The following FANCC variants were observed in gnomAD, a reference collection of about 807,000 sequenced individuals.
The protein encoded by FANCC is FA complementation group C, also known as Fanconi anemia group C protein.
A neutral mutation model predicts 71.3 loss-of-function variants in FANCC; 55 were observed. That is an observed-to-expected ratio of 0.77 (90% CI 0.62 to 0.97). The LOEUF (loss-of-function observed/expected upper bound fraction) is 0.97, where lower values mean the gene tolerates loss of function less well. Among genes scored for constraint, FANCC ranks in the 50% least tolerant of loss-of-function variants. The pLI is 0.00. For synonymous variants in FANCC, 275 were observed against 244.9 expected (o/e 1.12, Z -1.15); for missense variants, 678 against 670.9 (o/e 1.01, Z -0.12).
At chr9:95,293,473 A>G in intron 1 of FANCC, 2 of 1,571,550 alleles carry the variant, frequency 1.3e-6, no homozygotes, top group South Asian at 1.2e-5. Context: ...GTTGCTGTTG[A>G]GCCAATAAGT....
chr9:95,163,344 A>G (rs1379233906), intron 6 of FANCC, among the ~76,000 whole-genome samples: 1 of 152,176 alleles, frequency 6.6e-6, no homozygotes, highest in Non-Finnish European at 1.5e-5. Context: ...TGGCTTTGTA[A>G]TATGCTTTGA....
At chr9:95,313,282 A>G (rs1835522107) in intron 1 of FANCC, among the ~76,000 whole-genome samples, 1 of 152,176 alleles carries the variant, frequency 6.6e-6, no homozygotes, top group African/African-American at 2.4e-5. Flanking sequence ...CGCACACACT[A>G]TGGGAGCTCC....
intron 6 of FANCC, among the ~76,000 whole-genome samples, chr9:95,158,387 C>T (rs1411978743): frequency 6.6e-6 from 1 of 151,960 alleles, no homozygotes; most frequent in Admixed American, 6.6e-5. Flanking sequence ...TGATAAAGCA[C>T]TATGGAAGGT....
At chr9:95,312,301 G>A (rs1297362753) in intron 1 of FANCC, among the ~76,000 whole-genome samples, 3 of 152,226 alleles carry the variant, frequency 2.0e-5, no homozygotes, top group Admixed American at 6.5e-5. Context: ...GGTCCAGTCA[G>A]TAAAAAGAAA....
chr9:95,198,384 T>A (rs1033204446), intron 4 of FANCC, among the ~76,000 whole-genome samples: 7 of 152,256 alleles, frequency 4.6e-5, no homozygotes, highest in Non-Finnish European at 8.8e-5. Context: ...TGTATCATCA[T>A]GTATGTGGAA....
intron 3 of FANCC, among the ~76,000 whole-genome samples, chr9:95,245,997 G>T (rs1190144066): frequency 6.6e-6 from 1 of 152,158 alleles, no homozygotes; most frequent in Non-Finnish European, 1.5e-5. Flanking sequence ...AAAGTCTAAG[G>T]GGGGTGCCAT....
chr9:95,176,506 C>A lies in FANCC; in HGVS notation c.346-4359G>T, dbSNP rs551507164. Among the ~76,000 whole-genome samples, 62 of 152,334 alleles carry A rather than the reference C, an allele frequency of 4.1e-4. 1 individual carries two copies. In the South Asian group the frequency reaches 0.013, roughly 32 times the overall value. ...CCTCTGCCTGGGGAGCTCTCCTATG[C>A]CCCTCACTTGTGAGAATTGACTTCT... On this transcript the variant is annotated intron_variant, in intron 4 of 14. Transcript: ENST00000289081.
At chr9:95,110,322 C>CTT in intron 13 of FANCC, 1 of 1,016,458 alleles carries the variant, frequency 9.8e-7, no homozygotes, top group Non-Finnish European at 1.2e-6. Flanking sequence ...TATCTACCAA[C>CTT]TTAGCTTATT....
intron 4 of FANCC, among the ~76,000 whole-genome samples, chr9:95,226,999 C>T (rs1829661192): frequency 6.6e-6 from 1 of 152,134 alleles, no homozygotes; most frequent in African/African-American, 2.4e-5. Context: ...GTGGAGACTG[C>T]AGTGCAGCTA....
rs1825650685 is a variant in FANCC, at chr9:95,171,115, C to T, written c.485G>A (p.Arg162Lys). The change falls in exon 6 of 15, where the codon AGA becomes AAA. Residue 162 changes from arginine (R) to lysine (K), a missense_variant. Arg to Lys is a conservative substitution (Grantham distance 26). Coordinates refer to ENST00000289081, the MANE Select transcript of FANCC (RefSeq NM_000136.3). ...NMVLSLASELRENHLNGFNTQ... is the reference protein window; with the variant it reads ...NMVLSLASELKENHLNGFNTQ... ...GTTAAATCCATTAAGATGATTCTCTCTGAGTTCAGACGCTAATGATAAAAC... is the reference window on the plus strand; with the variant it reads ...GTTAAATCCATTAAGATGATTCTCTTTGAGTTCAGACGCTAATGATAAAAC... 1 of 1,613,556 alleles carries T rather than the reference C, an allele frequency of 6.2e-7. No individual in the cohort carries two copies.
At chr9:95,221,214 C>T (rs757827708) in intron 4 of FANCC, among the ~76,000 whole-genome samples, 1 of 151,708 alleles carries the variant, frequency 6.6e-6, no homozygotes, top group Non-Finnish European at 1.5e-5. Flanking sequence ...CTGAAAAAAA[C>T]AAAAACAAAA....
At chr9:95,242,479 CAAAAAAAAAAA>C (rs1162048314) in intron 3 of FANCC, among the ~76,000 whole-genome samples, 6 of 56,240 alleles carry the variant, frequency 1.1e-4, no homozygotes, top group African/African-American at 2.0e-4. Flanking sequence ...CATTCACCAC[CAAAAAAAAAAA>C]AAAAAAAAAA....
intron 1 of FANCC, among the ~76,000 whole-genome samples, chr9:95,315,686 T>A (rs1457166791): frequency 5.3e-5 from 8 of 152,202 alleles, no homozygotes; most frequent in Non-Finnish European, 7.3e-5. Context: ...AATAAAACTT[T>A]TAAAAATCAT....
At chr9:95,231,736 G>A (rs1323898541) in intron 4 of FANCC, among the ~76,000 whole-genome samples, 6 of 152,178 alleles carry the variant, frequency 3.9e-5, no homozygotes, top group Admixed American at 3.9e-4. Context: ...TCTTATGAGG[G>A]TGCAAATCAA....
intron 1 of FANCC, among the ~76,000 whole-genome samples, chr9:95,255,898 A>T (rs1407227872): frequency 6.6e-6 from 1 of 151,948 alleles, no homozygotes; most frequent in African/African-American, 2.4e-5. Flanking sequence ...CACAAGTATC[A>T]ATAGTTGAAT....
rs930117509 is a variant in FANCC at position 95,100,211 on chromosome 9, G to A, written c.*1496C>T. ...CATGATGGCACGAAGCATGTTATAT[G>A]AAGGCAATGACCATGAGCACGAAGC... On this transcript the variant is annotated 3_prime_UTR_variant, in exon 15 of 15. Coordinates refer to ENST00000289081, the MANE Select transcript of FANCC (RefSeq NM_000136.3). The A allele has an allele frequency of 2.2e-5, 5 of 223,090 alleles. No homozygotes were observed. Among genetic ancestry groups the A allele is most frequent in the Middle Eastern group, 1.3e-3 (1 of 798 alleles). 13.8% of individuals were successfully genotyped at this position (223,090 alleles called of 1,614,324 possible).
intron 4 of FANCC, among the ~76,000 whole-genome samples, chr9:95,185,861 T>C (rs1022492116): frequency 3.3e-5 from 5 of 152,190 alleles, no homozygotes; most frequent in South Asian, 2.1e-4. Flanking sequence ...CAAGTAGTCA[T>C]TGACAATTTT....
In FANCC at chr9:95,171,109, TTCTC is replaced by T. The variant is rs730881708; in HGVS notation, c.487_490del (p.Glu163IlefsTer30). The T allele has an allele frequency of 1.3e-5, 21 of 1,613,502 alleles. No individual in the cohort carries two copies. In the African/African-American group the frequency reaches 1.3e-4, roughly 10 times the overall value. ...TTGAGTGTTAAATCCATTAAGATGA[TTCTC>T]TCTGAGTTCAGACGCTAATGATAAA... On this transcript the variant is annotated frameshift_variant, in exon 6 of 15. Coordinates refer to ENST00000289081, the MANE Select transcript of FANCC (RefSeq NM_000136.3). LOFTEE classifies it high-confidence loss of function.
chr9:95,290,723 C>A (rs563491928), intron 1 of FANCC, among the ~76,000 whole-genome samples: 1 of 152,144 alleles, frequency 6.6e-6, no homozygotes, highest in Admixed American at 6.5e-5. Flanking sequence ...TATAAAAAGA[C>A]AAATTGCTTT....
Sources: gnomAD v4.1 joint callset for allele counts (sites outside exome capture counted in the v4.1 genomes callset) on GRCh38, gnomAD v4.1.1 for gene constraint, MANE v1.5 for transcripts, NCBI Gene and HGNC (gene_info 2026-07-23, HGNC 2026-07-21) for gene names.